ZNF619: variants seen among roughly 807,000 people sequenced by gnomAD.
ZNF619 encodes zinc finger protein 619.
Under a neutral mutation model 14.2 loss-of-function variants are expected in ZNF619, and 9 were observed. The observed-to-expected ratio is 0.64, with a 90% CI of 0.38 to 1.11. ZNF619 has a LOEUF of 1.11. ZNF619 is among the 50% of genes least tolerant of loss of function. The pLI, the probability that ZNF619 is intolerant of heterozygous loss-of-function variation, is 0.01. For missense variants in ZNF619, 659 were observed against 680.1 expected, an observed-to-expected ratio of 0.97 and a Z score of 0.34; for synonymous variants, 246 against 252.8, an observed-to-expected ratio of 0.97 and a Z score of 0.26.
At chr3:40,478,992 G>A (rs1169619278) in intron 2 of ZNF619, among the ~76,000 whole-genome samples, 3 of 152,172 alleles carry the variant, frequency 2.0e-5, no homozygotes, top group Non-Finnish European at 2.9e-5. Flanking sequence ...CCAAATGACA[G>A]TGGATTAAAC....
intron 2 of ZNF619, among the ~76,000 whole-genome samples, chr3:40,479,497 G>A (rs917787349): frequency 5.9e-5 from 9 of 152,140 alleles, no homozygotes; most frequent in East Asian, 1.9e-4. Context: ...TGATATCTTC[G>A]TGCGTTACAG....
At position 40,490,774 on chromosome 3, in the gene ZNF619, G is replaced by A. The variant is rs1343837607; in HGVS notation, c.*2533G>A. Reference sequence around the variant, plus strand: ...ATAACATAAAAAATATGTGTTAATCGACTGTTTCAGTAAGGCTCTGGTCAA... The same window carrying A: ...ATAACATAAAAAATATGTGTTAATCAACTGTTTCAGTAAGGCTCTGGTCAA... On this transcript the variant is annotated 3_prime_UTR_variant, in exon 5 of 5. Coordinates refer to ENST00000432264, the MANE Select transcript of ZNF619 (RefSeq NM_001145093.4). Among the ~76,000 whole-genome samples the A allele has an allele frequency of 1.3e-5, 2 of 152,010 alleles. No individual in the cohort carries two copies. The highest frequency in any genetic ancestry group is 2.9e-5 in the Non-Finnish European group (2 of 68,024).
At chr3:40,478,993 T>C (rs1559534763) in intron 2 of ZNF619, among the ~76,000 whole-genome samples, 1 of 152,112 alleles carries the variant, frequency 6.6e-6, no homozygotes, top group Non-Finnish European at 1.5e-5. Context: ...CAAATGACAG[T>C]GGATTAAACG....
chr3:40,487,436 T>G lies in ZNF619; in HGVS notation c.926T>G (p.Ile309Ser). 1 of 1,614,212 alleles carries G rather than the reference T, an allele frequency of 6.2e-7. No individual in the cohort carries two copies. The highest frequency in any genetic ancestry group is 8.5e-7 in the Non-Finnish European group (1 of 1,180,050). The change falls in exon 5 of 5, where the codon ATC becomes AGC. Residue 309 changes from isoleucine (I) to serine (S), a missense_variant. Physicochemically the swap from Ile to Ser is moderately radical, Grantham distance 142 (BLOSUM62 -2). Transcript: ENST00000432264. ...TCAAAACTGATTCGGCATCAGAGAA[T>G]CCATACTGGGGAGAAGCCCTTTAAA... Reference protein sequence around the residue: ...YNSKLIRHQRIHTGEKPFKCK... With the variant: ...YNSKLIRHQRSHTGEKPFKCK...
intron 4 of ZNF619, among the ~76,000 whole-genome samples, chr3:40,485,463 G>A (rs966536325): frequency 4.6e-5 from 7 of 152,030 alleles, no homozygotes; most frequent in Admixed American, 1.3e-4. Flanking sequence ...CACCACATCC[G>A]GCTAATTTTT....
At chr3:40,484,217 C>A (rs937643642) in intron 4 of ZNF619, among the ~76,000 whole-genome samples, 1 of 152,342 alleles carries the variant, frequency 6.6e-6, no homozygotes. Context: ...TGAGCCACCG[C>A]GCCCAGCTAG....
Position 40,488,271 on chromosome 3 carries a change from C to A in ZNF619, c.*30C>A. On this transcript the variant is annotated 3_prime_UTR_variant, in exon 5 of 5. Coordinates refer to ENST00000432264, the MANE Select transcript of ZNF619 (RefSeq NM_001145093.4). The stretch of plus-strand genomic sequence containing the variant: ...CGTCACGTTCTCAAAATCCTTTGCA[C>A]CTCAAGTTAGGGATTCCACTGGTCT... 8.7e-7 allele frequency: 1 copy of A among 1,150,658 alleles called. No individual in the cohort carries two copies. The highest frequency in any genetic ancestry group is 1.3e-6 in the Non-Finnish European group (1 of 787,514). 71.3% of individuals were successfully genotyped at this position (1,150,658 alleles called of 1,614,324 possible).
At chr3:40,481,836 C>T (rs1697403711) in intron 2 of ZNF619, 27 bp from the exon 3 acceptor site, 1 of 1,579,328 alleles carries the variant, frequency 6.3e-7, no homozygotes, top group Non-Finnish European at 8.6e-7. Flanking sequence ...TCCTGGAATT[C>T]AGGCCTCTCC....
chr3:40,482,536 G>A, intron 3 of ZNF619, 52 bp from the exon 4 acceptor site: 8 of 1,578,422 alleles, frequency 5.1e-6, no homozygotes, highest in Non-Finnish European at 7.0e-6. Flanking sequence ...TAGTCTGAGG[G>A]AGGTCAGTGT....
chr3:40,485,072 C>G (rs1697536080), intron 4 of ZNF619, among the ~76,000 whole-genome samples: 1 of 152,114 alleles, frequency 6.6e-6, no homozygotes, highest in South Asian at 2.1e-4. Flanking sequence ...GGACTACTGG[C>G]ACACACCACC....
rs1160368319 is a variant in ZNF619 at position 40,488,202 on chromosome 3, A to G, written c.1692A>G (p.Ser564=). The G allele has an allele frequency of 1.2e-6, 2 of 1,605,878 alleles. No individual in the cohort carries two copies. Among genetic ancestry groups the G allele is most frequent in the Admixed American group, 1.7e-5 (1 of 59,756 alleles). The stretch of plus-strand genomic sequence containing the variant: ...AGGATCTCGCTTTTCCTGGGAAGTC[A>G]TCCCTTCAGAGCCCGAATCCTTTGT... ...FFQDLAFPGK[S]SLQSPNPLSH... is the part of the protein sequence containing the mutation. The change falls in exon 5 of 5, where the codon TCA becomes TCG. Residue 564 remains serine, a synonymous_variant. Coordinates refer to ENST00000432264, the MANE Select transcript of ZNF619 (RefSeq NM_001145093.4).
In ZNF619 at chr3:40,487,734, T is replaced by G. The variant is rs1476226506; in HGVS notation, c.1224T>G (p.Thr408=). Reference sequence around the variant, plus strand: ...ACAAATGTAATGAATGTTGGAAAACTTTCAGCTGTAGCTCCCGCTTCATAG... The same window carrying G: ...ACAAATGTAATGAATGTTGGAAAACGTTCAGCTGTAGCTCCCGCTTCATAG... ...QLYKCNECWK[T]FSCSSRFIVH... The change falls in exon 5 of 5, where the codon ACT becomes ACG. Residue 408 remains threonine, a synonymous_variant. Coordinates refer to ENST00000432264, the MANE Select transcript of ZNF619 (RefSeq NM_001145093.4). 6.2e-7 allele frequency: 1 copy of G among 1,613,118 alleles called. No individual in the cohort carries two copies. Among genetic ancestry groups the G allele is most frequent in the South Asian group, 1.1e-5 (1 of 91,042 alleles).
chr3:40,487,735 T>G lies in ZNF619; in HGVS notation c.1225T>G (p.Phe409Val). 1.9e-6 allele frequency: 3 copies of G among 1,614,080 alleles called. No homozygotes were observed. Among genetic ancestry groups the G allele is most frequent in the Non-Finnish European group, 2.5e-6 (3 of 1,180,026 alleles). Residue 409 changes from phenylalanine to valine, a missense_variant, in exon 5 of 5, where the codon TTC becomes GTC. Coordinates refer to ENST00000432264, the MANE Select transcript of ZNF619 (RefSeq NM_001145093.4). ...LYKCNECWKT[F>V]SCSSRFIVHQ... is the part of the protein sequence containing the mutation. ...CAAATGTAATGAATGTTGGAAAACT[T>G]TCAGCTGTAGCTCCCGCTTCATAGT...
intron 4 of ZNF619, chr3:40,483,638 TA>T (rs763888941): frequency 4.4e-6 from 2 of 451,686 alleles, no homozygotes; most frequent in Non-Finnish European, 8.9e-6. Flanking sequence ...TTTGTTTGTT[TA>T]TTTTTTGAGA....
rs376263483 is a variant in ZNF619, at chr3:40,487,665, G to A, written c.1155G>A (p.Ser385=). 58 of 1,613,482 alleles carry A rather than the reference G, an allele frequency of 3.6e-5. 1 individual carries two copies. The highest frequency in any genetic ancestry group is 2.0e-4 in the South Asian group (18 of 91,034). ...KECGKAFHRS[S]VFLQHQRFHT... is the part of the protein sequence containing the mutation. ...GTGGCAAGGCCTTCCACCGCAGTTC[G>A]GTATTTCTTCAGCACCAGAGGTTCC... The change falls in exon 5 of 5, where the codon TCG becomes TCA. Residue 385 remains serine, a synonymous_variant. Transcript: ENST00000432264.
At position 40,490,639 on chromosome 3, in the gene ZNF619, T is replaced by G. The variant is rs1045147059; in HGVS notation, c.*2398T>G. 6.6e-6 allele frequency among the ~76,000 whole-genome samples: 1 copy of G among 152,194 alleles called. No individual in the cohort carries two copies. Among genetic ancestry groups the G allele is most frequent in the Non-Finnish European group, 1.5e-5 (1 of 68,048 alleles). The stretch of plus-strand genomic sequence containing the variant: ...AACAAAATGACAAGGATACAGACCT[T>G]TATGATGATCCATATAATATAGTGA... On this transcript the variant is annotated 3_prime_UTR_variant, in exon 5 of 5. Coordinates refer to ENST00000432264, the MANE Select transcript of ZNF619 (RefSeq NM_001145093.4).
intron 4 of ZNF619, among the ~76,000 whole-genome samples, chr3:40,485,972 C>A (rs1389052168): frequency 6.6e-6 from 1 of 152,192 alleles, no homozygotes; most frequent in Admixed American, 6.5e-5. Flanking sequence ...AGCAGTGTTA[C>A]AAACTGCTTT....
chr3:40,486,173 G>A (rs1697572813), intron 4 of ZNF619, among the ~76,000 whole-genome samples: 1 of 152,176 alleles, frequency 6.6e-6, no homozygotes, highest in Non-Finnish European at 1.5e-5. Flanking sequence ...CTCTGGTTTA[G>A]AGATTGCTTT....
In ZNF619 at chr3:40,487,029, T is replaced by TGAAAGG. The variant is rs974496183; in HGVS notation, c.522_527dup (p.Arg175_Glu176dup). ...TCCAGGATCATGAATCTTCCACCAC[T>TGAAAGG]GAAAGGGAGGAGATAGCCAGGAAAT... is the stretch of plus-strand genomic sequence containing the variant. On this transcript the variant is annotated inframe_insertion, in exon 5 of 5. Transcript: ENST00000432264. 2.5e-6 allele frequency: 4 copies of TGAAAGG among 1,614,010 alleles called. No individual in the cohort carries two copies. Among genetic ancestry groups the TGAAAGG allele is most frequent in the Non-Finnish European group, 3.4e-6 (4 of 1,180,032 alleles).
Sources: allele counts gnomAD v4.1 joint callset (sites outside exome capture counted in the v4.1 genomes callset), GRCh38; gene constraint gnomAD v4.1.1; transcripts MANE v1.5; gene names NCBI Gene and HGNC (gene_info 2026-07-23, HGNC 2026-07-21).